SYNPO2: variants seen among roughly 807,000 people sequenced by gnomAD.
SYNPO2 encodes the protein synaptopodin-2.
SYNPO2 carries 56 observed loss-of-function variants against 85.0 expected under a neutral mutation model. That is an observed-to-expected ratio of 0.66 (90% CI 0.53 to 0.82). SYNPO2 has a LOEUF of 0.82. SYNPO2 is among the 40% of genes least tolerant of loss of function. The pLI is 0.00. For missense variants in SYNPO2, 1,575 were observed against 1,534.2 expected, an observed-to-expected ratio of 1.03 and a Z score of -0.44; for synonymous variants, 602 against 591.1, an observed-to-expected ratio of 1.02 and a Z score of -0.27.
chr4:118,951,519 A>G (rs1459861426), intron 1 of SYNPO2, among the ~76,000 whole-genome samples: 1 of 152,240 alleles, frequency 6.6e-6, no homozygotes, highest in Non-Finnish European at 1.5e-5. Flanking sequence ...ATGCCAGTAC[A>G]TGAAGAAACA....
rs116827856 is a variant in SYNPO2, at chr4:118,873,388, G to A, written c.12+22448G>A. Among the ~76,000 whole-genome samples, 942 of 151,690 alleles carry A rather than the reference G, an allele frequency of 6.2e-3. 13 individuals are homozygous for A. The highest frequency in any genetic ancestry group is 0.021 in the African/African-American group (863 of 41,348). ...TTTTGTTTTTGTTTTTTTAATAGTA[G>A]CCATTCTGATTCATGTAAGATAATA... On this transcript the variant is annotated intron_variant, in intron 1 of 4. Coordinates refer to the SYNPO2 transcript ENST00000610556.
intron 4 of SYNPO2, chr4:119,035,814 A>G: frequency 1.2e-6 from 1 of 815,112 alleles, no homozygotes; most frequent in Non-Finnish European, 1.4e-6. Flanking sequence ...CACATCTGAG[A>G]TGTCCAAAAA....
intron 1 of SYNPO2, among the ~76,000 whole-genome samples, chr4:118,908,971 C>G (rs1262472076): frequency 6.6e-6 from 1 of 152,018 alleles, no homozygotes; most frequent in African/African-American, 2.4e-5. Context: ...AAAGATTGGG[C>G]CCCCGTAACA....
intron 1 of SYNPO2, among the ~76,000 whole-genome samples, chr4:118,986,779 G>A (rs2149165884): frequency 6.6e-6 from 1 of 152,252 alleles, no homozygotes; most frequent in African/African-American, 2.4e-5. Flanking sequence ...GATGCATGAT[G>A]TACATACTCT....
chr4:118,989,434 C>T (rs976656543), intron 1 of SYNPO2, among the ~76,000 whole-genome samples: 1 of 152,224 alleles, frequency 6.6e-6, no homozygotes, highest in African/African-American at 2.4e-5. Flanking sequence ...AACTTGTTTG[C>T]ACCATTCTCT....
At chr4:118,945,949 T>C (rs1478506947) in intron 1 of SYNPO2, among the ~76,000 whole-genome samples, 1 of 152,092 alleles carries the variant, frequency 6.6e-6, no homozygotes, top group Non-Finnish European at 1.5e-5. Context: ...TTTCACCATG[T>C]TGGCCAGGAT....
At chr4:119,004,602 A>T (rs1736954382) in intron 1 of SYNPO2, among the ~76,000 whole-genome samples, 1 of 147,010 alleles carries the variant, frequency 6.8e-6, no homozygotes, top group Non-Finnish European at 1.5e-5. Flanking sequence ...TATATGTGCC[A>T]CATTTTCTTA....
intron 4 of SYNPO2, among the ~76,000 whole-genome samples, chr4:119,055,788 G>GT (rs1470484304): frequency 2.0e-5 from 3 of 151,934 alleles, no homozygotes; most frequent in Non-Finnish European, 4.4e-5. Context: ...TTCAACCATT[G>GT]TAAGTAAAAT....
chr4:118,960,234 C>G lies in SYNPO2; in HGVS notation c.106-63196C>G, dbSNP rs115681818. 8.1e-3 allele frequency among the ~76,000 whole-genome samples: 1,239 copies of G among 152,262 alleles called. 19 individuals carry two copies. The highest frequency in any genetic ancestry group is 0.028 in the African/African-American group (1,177 of 41,546). ...AAAAATGTTCTGTGGTTTTTAGCCA[C>G]TAGTTTGCAGTCATTTGTTATTTTC... On this transcript the variant is annotated intron_variant, in intron 1 of 4. Coordinates refer to ENST00000307142, the MANE Select transcript of SYNPO2 (RefSeq NM_133477.3).
intron 1 of SYNPO2, among the ~76,000 whole-genome samples, chr4:118,906,974 A>AT (rs1244015359): frequency 2.1e-3 from 307 of 145,334 alleles, no homozygotes; most frequent in African/African-American, 5.5e-3. Context: ...CACCCAGCTA[A>AT]TTTTTTTTTT....
In SYNPO2 at chr4:119,031,857, C is replaced by G. The variant is rs545039424; in HGVS notation, c.3082C>G (p.Pro1028Ala). The change falls in exon 4 of 5, where the codon CCA becomes GCA. Residue 1028 changes from proline to alanine, a missense_variant. Coordinates refer to ENST00000307142, the MANE Select transcript of SYNPO2 (RefSeq NM_133477.3). ...GCAGGCTTCGTCAGTGTACTCGGTA[C>G]CAGCCTATACCTCTCCTCCTTCCTT... is the stretch of plus-strand genomic sequence containing the variant. ...NVQASSVYSV[P>A]AYTSPPSFFA... is the part of the protein sequence containing the mutation. 8.1e-6 allele frequency: 13 copies of G among 1,614,228 alleles called. No individual in the cohort carries two copies. In the Admixed American group the frequency reaches 1.8e-4, roughly 23 times the overall value.
rs147162868 is a variant in SYNPO2, at chr4:118,878,909, A to G, written c.12+27969A>G. Among the ~76,000 whole-genome samples, 1,057 of 152,320 alleles carry G rather than the reference A, an allele frequency of 6.9e-3. 4 individuals are homozygous for G. Among genetic ancestry groups the G allele is most frequent in the Non-Finnish European group, 0.013 (852 of 68,030 alleles). ...GATGTTTTGTTCTTTCTCTCTCTGC[A>G]GTAAATCCTACTGCTGTTCAGTTTT... On this transcript the variant is annotated intron_variant, in intron 1 of 4. Coordinates refer to the SYNPO2 transcript ENST00000610556.
intron 1 of SYNPO2, among the ~76,000 whole-genome samples, chr4:118,976,598 T>G (rs1347697861): frequency 4.6e-5 from 7 of 152,224 alleles, no homozygotes; most frequent in Non-Finnish European, 7.4e-5. Flanking sequence ...TTACAATCCC[T>G]GAGCTAGATA....
intron 1 of SYNPO2, among the ~76,000 whole-genome samples, chr4:118,880,752 A>AAAAC (rs1732072772): frequency 6.6e-6 from 1 of 151,950 alleles, no homozygotes; most frequent in African/African-American, 2.4e-5. Context: ...GTCCCAAAAA[A>AAAAC]AAAAAAAAAA....
intron 1 of SYNPO2, among the ~76,000 whole-genome samples, chr4:118,868,530 T>C (rs1731743464): frequency 2.0e-5 from 3 of 152,308 alleles, no homozygotes; most frequent in Admixed American, 2.0e-4. Flanking sequence ...AGAGAAAGGA[T>C]TTTTGAAAGA....
chr4:118,851,851 C>T (rs1731424764), intron 1 of SYNPO2, among the ~76,000 whole-genome samples: 1 of 149,128 alleles, frequency 6.7e-6, no homozygotes. Context: ...AATCCACTCT[C>T]ATACAGGGAT....
chr4:118,946,080 G>A (rs1734493736), intron 1 of SYNPO2, among the ~76,000 whole-genome samples: 1 of 151,974 alleles, frequency 6.6e-6, no homozygotes, highest in African/African-American at 2.4e-5. Flanking sequence ...GAAAATACCT[G>A]GAAAAAGCAA....
rs533304241 is a variant in SYNPO2 at position 118,879,075 on chromosome 4, G to A, written c.12+28135G>A. ...ACCTTTAAGAGCTGTAACACTCACT[G>A]TTAAGGTGTGCCACTTCACTCCTGA... On this transcript the variant is annotated intron_variant, in intron 1 of 4. Coordinates refer to the SYNPO2 transcript ENST00000610556. Among the ~76,000 whole-genome samples the A allele has an allele frequency of 2.6e-5, 4 of 152,308 alleles. No individual in the cohort carries two copies. The South Asian group carries it at 8.3e-4, about 32-fold the overall frequency.
chr4:118,995,778 G>A (rs1248815590), intron 1 of SYNPO2, among the ~76,000 whole-genome samples: 2 of 152,164 alleles, frequency 1.3e-5, no homozygotes, highest in African/African-American at 4.8e-5. Context: ...TGAGGTCCAT[G>A]TTGTATTTCT....
Sources: allele counts gnomAD v4.1 joint callset (sites outside exome capture counted in the v4.1 genomes callset), GRCh38; gene constraint gnomAD v4.1.1; transcripts MANE v1.5; gene names NCBI Gene and HGNC (gene_info 2026-07-23, HGNC 2026-07-21).